GRM5: variants seen among roughly 807,000 people sequenced by gnomAD.
GRM5 encodes the protein metabotropic glutamate receptor 5.
Under a neutral mutation model 83.1 loss-of-function variants are expected in GRM5, and 19 were observed. The observed-to-expected ratio is 0.23, with a 90% confidence interval of 0.16 to 0.34. The LOEUF is 0.34. Ranked by LOEUF, GRM5 falls within the 10% of genes least tolerant of loss-of-function variation. The pLI is 1.00. For missense variants in GRM5, 1,160 were observed against 1,588.3 expected (o/e 0.73, Z 4.58); for synonymous variants, 675 against 633.6 (o/e 1.07, Z -0.98).
intron 1 of GRM5, among the ~76,000 whole-genome samples, chr11:89,050,193 T>A (rs1271158025): frequency 6.6e-6 from 1 of 152,176 alleles, no homozygotes; most frequent in Non-Finnish European, 1.5e-5. Context: ...GTATGCGAAG[T>A]TTGTTACTTA....
intron 2 of GRM5, among the ~76,000 whole-genome samples, chr11:88,943,404 T>G (rs570590157): frequency 6.6e-6 from 1 of 152,192 alleles, no homozygotes; most frequent in East Asian, 1.9e-4. Context: ...CACCATTTCT[T>G]CTACATAGAA....
chr11:88,806,888 C>T lies in GRM5; in HGVS notation c.911+43018G>A, dbSNP rs148464825. 1.8e-3 allele frequency among the ~76,000 whole-genome samples: 270 copies of T among 152,260 alleles called. 1 individual carries two copies. The highest frequency in any genetic ancestry group is 6.0e-3 in the African/African-American group (250 of 41,568). ...ACCTCTCCACATCTTCATTTCTTTA[C>T]CCCTAAACTGTAAGATATTGCTTAA... On this transcript the variant is annotated intron_variant, in intron 3 of 9. Transcript: ENST00000305447.
At chr11:88,587,881 C>A (rs1943351036) in intron 7 of GRM5, among the ~76,000 whole-genome samples, 1 of 152,096 alleles carries the variant, frequency 6.6e-6, no homozygotes, top group African/African-American at 2.4e-5. Flanking sequence ...CACAAGTTTT[C>A]CTGTTTCTTT....
intron 2 of GRM5, among the ~76,000 whole-genome samples, chr11:88,953,051 G>A (rs1400490992): frequency 6.6e-6 from 1 of 152,102 alleles, no homozygotes; most frequent in Admixed American, 6.5e-5. Flanking sequence ...AGTGAAGAAA[G>A]CAATCATGTT....
chr11:88,718,790 C>G (rs943877783), intron 3 of GRM5, among the ~76,000 whole-genome samples: 3 of 152,010 alleles, frequency 2.0e-5, no homozygotes, highest in East Asian at 3.9e-4. Context: ...GTCTAAATCA[C>G]CTTTATAGAC....
At chr11:88,549,895 G>A (rs192994707) in intron 8 of GRM5, among the ~76,000 whole-genome samples, 4 of 152,254 alleles carry the variant, frequency 2.6e-5, no homozygotes, top group Non-Finnish European at 5.9e-5. Context: ...CTGGGACAGG[G>A]TGGTGGATCA....
At chr11:88,562,144 C>A (rs555173202) in intron 8 of GRM5, among the ~76,000 whole-genome samples, 8 of 152,040 alleles carry the variant, frequency 5.3e-5, no homozygotes, top group South Asian at 2.1e-4. Flanking sequence ...TACATGTTTG[C>A]AAAATGATAG....
intron 7 of GRM5, among the ~76,000 whole-genome samples, chr11:88,581,402 G>A (rs763733171): frequency 7.9e-5 from 12 of 152,218 alleles, no homozygotes; most frequent in South Asian, 2.1e-4. Flanking sequence ...AAAAATTTCC[G>A]TGCTTTAAGT....
chr11:88,879,876 T>C (rs1944923156), intron 2 of GRM5, among the ~76,000 whole-genome samples: 1 of 152,066 alleles, frequency 6.6e-6, no homozygotes, highest in Non-Finnish European at 1.5e-5. Context: ...TTATTAAATA[T>C]TACTTAATAT....
intron 3 of GRM5, among the ~76,000 whole-genome samples, chr11:88,738,610 T>C (rs1020967578): frequency 6.6e-6 from 1 of 152,116 alleles, no homozygotes; most frequent in East Asian, 1.9e-4. Context: ...CTCTTAATGT[T>C]GAATGTTTAA....
In GRM5 at chr11:88,995,176, T is replaced by C. The variant is rs529281522; in HGVS notation, c.661+52036A>G. 8.5e-5 allele frequency among the ~76,000 whole-genome samples: 13 copies of C among 152,168 alleles called. 1 individual carries two copies. In the East Asian group the frequency reaches 2.5e-3, roughly 29 times the overall value. On this transcript the variant is annotated intron_variant, in intron 2 of 9. Transcript: ENST00000305447. ...AGAATAGGAGACAGTTATTATAGCA[T>C]CCACATGTAACAAGATATGAAATAA...
intron 3 of GRM5, among the ~76,000 whole-genome samples, chr11:88,838,991 C>G (rs1944143793): frequency 6.6e-6 from 1 of 151,826 alleles, no homozygotes; most frequent in African/African-American, 2.4e-5. Context: ...AACTTTTAAG[C>G]TATATCTGCC....
intron 7 of GRM5, among the ~76,000 whole-genome samples, chr11:88,582,337 G>T (rs1480484413): frequency 6.6e-6 from 1 of 152,108 alleles, no homozygotes; most frequent in Non-Finnish European, 1.5e-5. Context: ...ACTATTGTAT[G>T]CATTATATGT....
At chr11:88,566,092 A>G (rs921456162) in intron 8 of GRM5, among the ~76,000 whole-genome samples, 1 of 152,160 alleles carries the variant, frequency 6.6e-6, no homozygotes, top group South Asian at 2.1e-4. Context: ...ATTTATCTAG[A>G]TTTTAGAAAT....
At chr11:88,925,954 T>G (rs1945782291) in intron 2 of GRM5, 1 of 294,370 alleles carries the variant, frequency 3.4e-6, no homozygotes, top group Non-Finnish European at 6.8e-6. Flanking sequence ...TCCTGCCCAT[T>G]AAAACTTTCC....
Position 89,047,684 on chromosome 11 carries a change from C to T in GRM5, c.189G>A (p.Gln63=), listed in dbSNP as rs79165784. The T allele has an allele frequency of 2.5e-3, 4,102 of 1,614,118 alleles. 84 individuals are homozygous for T. In the African/African-American group the frequency reaches 0.047, roughly 18 times the overall value. The part of the protein sequence containing the change: ...HERKCGAVRE[Q]YGIQRVEAML... The stretch of plus-strand genomic sequence containing the variant: ...TGGCCTCCACTCTCTGAATGCCATA[C>T]TGTTCACGGACCGCCCCACACTTCC... The change falls in exon 2 of 10, where the codon CAG becomes CAA. Residue 63 remains glutamine, a synonymous_variant. Transcript: ENST00000305447. The surrounding 1 kb of genome is among the most constrained non-coding windows in gnomAD (Gnocchi z 5.1).
At chr11:89,057,040 A>T (rs1278367570) in intron 1 of GRM5, among the ~76,000 whole-genome samples, 2 of 152,332 alleles carry the variant, frequency 1.3e-5, no homozygotes, top group East Asian at 1.9e-4. Flanking sequence ...TCAGATTCAC[A>T]GCTCACATTG....
intron 2 of GRM5, among the ~76,000 whole-genome samples, chr11:88,915,822 G>C (rs1233627235): frequency 6.6e-6 from 1 of 152,008 alleles, no homozygotes; most frequent in African/African-American, 2.4e-5. Flanking sequence ...GATAACTAGA[G>C]GTTTTGTTGT....
intron 7 of GRM5, among the ~76,000 whole-genome samples, chr11:88,570,550 AATATAT>A (rs199551301): frequency 9.4e-4 from 68 of 71,960 alleles, no homozygotes; most frequent in Middle Eastern, 8.1e-3. Context: ...AAGTATTAAT[AATATAT>A]ATATATATAT....
Sources: gnomAD v4.1 joint callset for allele counts (sites outside exome capture counted in the v4.1 genomes callset) on GRCh38, gnomAD v4.1.1 for gene constraint, Gnocchi (gnomAD v3.1) non-coding constraint, MANE v1.5 for transcripts, NCBI Gene and HGNC (gene_info 2026-07-23, HGNC 2026-07-21) for gene names.